PIWIL3: variants seen among roughly 807,000 people sequenced by gnomAD.
The protein encoded by PIWIL3 is piwi like RNA-mediated gene silencing 3.
In PIWIL3, 101 loss-of-function variants were observed where a neutral mutation model predicts 109.7. The ratio of observed to expected loss-of-function variants is 0.92; its 90% CI spans 0.78 to 1.09. The LOEUF is 1.09. PIWIL3 is among the 50% of genes least tolerant of loss of function. The pLI is 0.00. For missense variants in PIWIL3, 1,031 were observed against 1,072.6 expected (o/e 0.96, Z 0.54); for synonymous variants, 373 against 376.4 (o/e 0.99, Z 0.10).
chr22:24,749,727 A>C lies in PIWIL3; in HGVS notation c.1182T>G (p.Pro394=). ...KKGLTGTQRE[P]ILLIPQLCHM... is the part of the protein sequence containing the mutation. ...GGCACAGCTGAGGAATCAGCAGGAT[A>C]GGTTCACGTTGTGTACCCGTTAGGC... The change falls in exon 10 of 21, where the codon CCT becomes CCG. Residue 394 remains proline (P), a synonymous_variant. Coordinates refer to ENST00000616349, the MANE Select transcript of PIWIL3 (RefSeq NM_001255975.1). 1 of 1,614,124 alleles carries C rather than the reference A, an allele frequency of 6.2e-7. No individual in the cohort carries two copies. The highest frequency in any genetic ancestry group is 8.5e-7 in the Non-Finnish European group (1 of 1,180,018).
At chr22:24,734,871 CA>C (rs1240655274) in intron 13 of PIWIL3, among the ~76,000 whole-genome samples, 1 of 138,238 alleles carries the variant, frequency 7.2e-6, no homozygotes, top group Non-Finnish European at 1.5e-5. Flanking sequence ...CGTTTAGGTT[CA>C]GGGGTACACA....
At chr22:24,747,933 A>G (rs1368516510) in intron 12 of PIWIL3, among the ~76,000 whole-genome samples, 2 of 152,222 alleles carry the variant, frequency 1.3e-5, no homozygotes, top group East Asian at 1.9e-4. Context: ...ACTCCTAGGC[A>G]TATAGCCAAA....
chr22:24,725,109 T>C, intron 17 of PIWIL3, 72 bp from the exon 18 acceptor site: 8 of 1,554,474 alleles, frequency 5.1e-6, no homozygotes, highest in Non-Finnish European at 7.0e-6. Context: ...TTTGACAAAT[T>C]CTAGGTCCAT....
intron 1 of PIWIL3, among the ~76,000 whole-genome samples, chr22:24,768,323 C>T (rs1413060248): frequency 6.6e-6 from 1 of 151,502 alleles, no homozygotes; most frequent in Non-Finnish European, 1.5e-5. Context: ...GACACAATCT[C>T]GGCTCACTGC....
rs1187780817 is a variant in PIWIL3, at chr22:24,725,445, C to G, written c.2080G>C (p.Ala694Pro). Residue 694 changes from alanine to proline, a missense_variant and splice_region_variant, in exon 17 of 21, where the codon GCT becomes CCT. Coordinates refer to ENST00000616349, the MANE Select transcript of PIWIL3 (RefSeq NM_001255975.1). ...LVKELEICLKAALDVWCKNES... is the reference protein window; with the variant it reads ...LVKELEICLKPALDVWCKNES... ...TCCCCGACCGCTACAAGACACTGAC[C>G]TTTCAAGCAGATCTCCAGCTCTTTC... The G allele has an allele frequency of 6.2e-7, 1 of 1,613,782 alleles. No homozygotes were observed. The highest frequency in any genetic ancestry group is 8.5e-7 in the Non-Finnish European group (1 of 1,180,036).
rs938484775 is a variant in PIWIL3 at position 24,754,798 on chromosome 22, C to G, written c.759G>C (p.Gln253His). Residue 253 changes from glutamine to histidine, a missense_variant, in exon 7 of 21, where the codon CAG (glutamine) becomes CAC (histidine). Physicochemically the swap from Gln to His is conservative, Grantham distance 24 (BLOSUM62 0). Coordinates refer to ENST00000616349, the MANE Select transcript of PIWIL3 (RefSeq NM_001255975.1). ...RNYYTKKKAIQLYRHGTSLEI... is the reference protein window; with the variant it reads ...RNYYTKKKAIHLYRHGTSLEI... The stretch of plus-strand genomic sequence containing the variant: ...TTTATACAAACCCATGACGGTATAA[C>G]TGAATGGCCTTCTTTTTGGTATAAT... The G allele has an allele frequency of 6.2e-7, 1 of 1,608,770 alleles. No homozygotes were observed. The highest frequency in any genetic ancestry group is 2.2e-5 in the East Asian group (1 of 44,794).
chr22:24,723,459 C>T (rs1922800668), intron 18 of PIWIL3, among the ~76,000 whole-genome samples: 1 of 152,126 alleles, frequency 6.6e-6, no homozygotes, highest in Non-Finnish European at 1.5e-5. Context: ...CCACCCACAT[C>T]CCAGGGGAAG....
chr22:24,736,314 C>T (rs1923655997), intron 12 of PIWIL3, among the ~76,000 whole-genome samples: 1 of 152,188 alleles, frequency 6.6e-6, no homozygotes, highest in Non-Finnish European at 1.5e-5. Flanking sequence ...ACTCTCTGAA[C>T]CCCTTCTGAT....
At chr22:24,765,040 T>C (rs1925708515) in intron 1 of PIWIL3, among the ~76,000 whole-genome samples, 1 of 152,212 alleles carries the variant, frequency 6.6e-6, no homozygotes, top group Non-Finnish European at 1.5e-5. Flanking sequence ...CCAGTTGTCC[T>C]GTGGACAACT....
At chr22:24,771,266 T>C (rs1180157587) in intron 1 of PIWIL3, among the ~76,000 whole-genome samples, 1 of 151,574 alleles carries the variant, frequency 6.6e-6, no homozygotes, top group African/African-American at 2.4e-5. Context: ...ATCGAGACCA[T>C]CCTGGCTACC....
Position 24,719,556 on chromosome 22 carries a change from A to G in PIWIL3, c.2538T>C (p.Tyr846=), listed in dbSNP as rs749704995. 4 of 1,605,168 alleles carry G rather than the reference A, an allele frequency of 2.5e-6. No individual in the cohort carries two copies. Among genetic ancestry groups the G allele is most frequent in the East Asian group, 4.5e-5 (2 of 44,820 alleles). ...CCACGAGGTAAGCCAGCTTGTGGGC[A>G]TAGTGGCAAGGCGCTGGAACTCGGA... ...GIIRVPAPCH[Y]AHKLAYLVGQ... is the part of the protein sequence containing the mutation. Residue 846 remains tyrosine, a synonymous_variant, in exon 21 of 21, where the codon TAT becomes TAC. Coordinates refer to ENST00000616349, the MANE Select transcript of PIWIL3 (RefSeq NM_001255975.1).
At chr22:24,765,764 A>G (rs1925748573) in intron 1 of PIWIL3, among the ~76,000 whole-genome samples, 1 of 149,484 alleles carries the variant, frequency 6.7e-6, no homozygotes, top group South Asian at 2.1e-4. Context: ...ATAAATTTAG[A>G]GGAAAATGAG....
At chr22:24,752,043 C>T (rs1415359267) in intron 8 of PIWIL3, among the ~76,000 whole-genome samples, 3 of 151,858 alleles carry the variant, frequency 2.0e-5, no homozygotes, top group African/African-American at 7.3e-5. Flanking sequence ...CATTTATGTG[C>T]CGATTTTAAT....
rs1922907845 is a variant in PIWIL3 at position 24,724,987 on chromosome 22, T to A, written c.2131A>T (p.Ile711Phe). The change falls in exon 18 of 21, where the codon ATT becomes TTT. Residue 711 changes from isoleucine (I) to phenylalanine (F), a missense_variant. Coordinates refer to ENST00000616349, the MANE Select transcript of PIWIL3 (RefSeq NM_001255975.1). ...TCTCCCACTCCATCCCGATACACAA[T>A]AACAGAATGTGGCATCGATGATTCG... ...KNESSMPHSV[I>F]VYRDGVGDGQ... 1 of 1,614,032 alleles carries A rather than the reference T, an allele frequency of 6.2e-7. No individual in the cohort carries two copies. Among genetic ancestry groups the A allele is most frequent in the African/African-American group, 1.3e-5 (1 of 74,926 alleles).
At chr22:24,750,110 G>C (rs1924614472) in intron 9 of PIWIL3, among the ~76,000 whole-genome samples, 1 of 152,178 alleles carries the variant, frequency 6.6e-6, no homozygotes, top group African/African-American at 2.4e-5. Flanking sequence ...GGGTGAGACA[G>C]TATCTGAGGT....
chr22:24,744,497 C>T (rs1045418118), intron 12 of PIWIL3, among the ~76,000 whole-genome samples: 8 of 151,926 alleles, frequency 5.3e-5, no homozygotes, highest in East Asian at 3.9e-4. Flanking sequence ...CGCTTGAACC[C>T]GGGAGGAGGA....
At chr22:24,727,163 A>G (rs911514810) in intron 16 of PIWIL3, among the ~76,000 whole-genome samples, 1 of 152,142 alleles carries the variant, frequency 6.6e-6, no homozygotes, top group South Asian at 2.1e-4. Context: ...AATGATCTCC[A>G]TTTAAGACAT....
intron 4 of PIWIL3, 89 bp downstream of exon 4, chr22:24,757,819 C>T (rs1348816072): frequency 7.0e-7 from 1 of 1,425,860 alleles, no homozygotes; most frequent in Non-Finnish European, 9.3e-7. Context: ...GCCTGGGCGA[C>T]AGAGCAGGAC....
chr22:24,733,965 A>T, intron 14 of PIWIL3, 119 bp downstream of exon 14: 1 of 1,068,360 alleles, frequency 9.4e-7, no homozygotes, highest in Non-Finnish European at 1.3e-6. Flanking sequence ...ATAGCAGGTT[A>T]ATCTGCTTTC....
Sources: gnomAD v4.1 joint callset for allele counts (sites outside exome capture counted in the v4.1 genomes callset) on GRCh38, gnomAD v4.1.1 for gene constraint, MANE v1.5 for transcripts, NCBI Gene and HGNC (gene_info 2026-07-23, HGNC 2026-07-21) for gene names.